TMEM272: variants seen among roughly 807,000 people sequenced by gnomAD.
TMEM272 encodes the protein long intergenic non-protein coding RNA 282.
In TMEM272, 8 loss-of-function variants were observed where a neutral mutation model predicts 3.7. The ratio of observed to expected loss-of-function variants is 2.17; its 90% confidence interval spans 1.27 to 3.91. The LOEUF (loss-of-function observed/expected upper bound fraction) is 3.91. TMEM272 is among the 30% of genes most tolerant of loss of function. The probability of loss-of-function intolerance (pLI) is 0.00; values close to 1 mark genes in which losing one functional copy is unlikely to be tolerated. For missense variants in TMEM272, 166 were observed against 91.5 expected (o/e 1.81, Z -3.32); for synonymous variants, 63 against 39.8 (o/e 1.58, Z -2.20).
the TMEM272 span, among the ~76,000 whole-genome samples, chr13:51,891,921 A>G: frequency 6.6e-6 from 1 of 152,270 alleles, no homozygotes; most frequent in South Asian, 2.1e-4. Context: ...AAAGCTTTGT[A>G]AGGTCAATGA....
chr13:51,887,833 G>C, the TMEM272 span, among the ~76,000 whole-genome samples: 1 of 152,192 alleles, frequency 6.6e-6, no homozygotes, highest in Non-Finnish European at 1.5e-5. Context: ...AGGGGCTGCT[G>C]AGAGTAAAGG....
rs146347607 is a variant in TMEM272, at chr13:51,823,966, T to C, written c.119-1829A>G. Among the ~76,000 whole-genome samples the C allele has an allele frequency of 3.2e-3, 486 of 152,374 alleles. 3 individuals are homozygous for C. Among genetic ancestry groups the C allele is most frequent in the African/African-American group, 0.011 (467 of 41,586 alleles). On this transcript the variant is annotated intron_variant, in intron 3 of 4. Transcript: ENST00000629372. The stretch of plus-strand genomic sequence containing the variant: ...AGGTGAATTTGTTATTAAATGGAAA[T>C]ACTTTCCAAGTCTCAACACAGCCTT...
intron 4 of TMEM272, among the ~76,000 whole-genome samples, chr13:51,819,021 C>T (rs189033882): frequency 1.6e-3 from 244 of 152,284 alleles, no homozygotes; most frequent in Non-Finnish European, 2.7e-3. Flanking sequence ...GGAGGGTTCT[C>T]GCCTAAGACT....
chr13:51,897,400 G>A, the TMEM272 span, among the ~76,000 whole-genome samples: 1 of 88,914 alleles, frequency 1.1e-5, no homozygotes, highest in African/African-American at 3.9e-5. Flanking sequence ...TTTTTGTAGA[G>A]ATGGAGTCTC....
the TMEM272 span, among the ~76,000 whole-genome samples, chr13:51,915,173 C>T: frequency 2.0e-5 from 3 of 152,160 alleles, no homozygotes; most frequent in Admixed American, 2.0e-4. Flanking sequence ...TGCTTTGGGG[C>T]TCTGATTGAC....
chr13:51,821,229 A>G (rs1956075880), intron 4 of TMEM272, among the ~76,000 whole-genome samples: 1 of 152,124 alleles, frequency 6.6e-6, no homozygotes, highest in African/African-American at 2.4e-5. Context: ...CCATCTTGGG[A>G]AAATGGATGC....
chr13:51,841,742 C>T (rs1269349508), intron 1 of TMEM272, among the ~76,000 whole-genome samples: 2 of 152,186 alleles, frequency 1.3e-5, no homozygotes, highest in African/African-American at 4.8e-5. Flanking sequence ...ATAGAACACA[C>T]CAACACAAGT....
intron 1 of TMEM272, among the ~76,000 whole-genome samples, chr13:51,842,096 AAACACATAG>A (rs886184313): frequency 5.3e-5 from 8 of 152,350 alleles, no homozygotes; most frequent in African/African-American, 1.9e-4. Context: ...AGATCTACGT[AAACACATAG>A]AAAAAGATCA....
intron 3 of TMEM272, among the ~76,000 whole-genome samples, chr13:51,822,922 A>G (rs1172607086): frequency 6.6e-6 from 1 of 152,256 alleles, no homozygotes; most frequent in Non-Finnish European, 1.5e-5. Flanking sequence ...CATTTCCCTC[A>G]GGGACCAGTC....
At chr13:51,837,704 G>A (rs1956227847) in intron 2 of TMEM272, among the ~76,000 whole-genome samples, 1 of 152,220 alleles carries the variant, frequency 6.6e-6, no homozygotes. Flanking sequence ...AACGTCATGG[G>A]AGGAGAAGTG....
chr13:51,880,337 G>A, the TMEM272 span, among the ~76,000 whole-genome samples: 1 of 151,600 alleles, frequency 6.6e-6, no homozygotes, highest in Non-Finnish European at 1.5e-5. Flanking sequence ...GAAAGACTGA[G>A]GATCTATTGA....
the TMEM272 span, among the ~76,000 whole-genome samples, chr13:51,931,493 G>A: frequency 6.6e-6 from 1 of 151,646 alleles, no homozygotes; most frequent in East Asian, 1.9e-4. Flanking sequence ...CTGCTGAGGG[G>A]TGGGGGATTA....
At chr13:51,876,258 T>C in the TMEM272 span, among the ~76,000 whole-genome samples, 1,194 of 152,366 alleles carry the variant, frequency 7.8e-3, 12 homozygotes, top group Admixed American at 9.0e-3. Flanking sequence ...TGTTCTCTTT[T>C]AATAGCTCCT....
At chr13:51,840,564 C>CA (rs1005383286) in intron 1 of TMEM272, among the ~76,000 whole-genome samples, 26 of 152,290 alleles carry the variant, frequency 1.7e-4, no homozygotes, top group African/African-American at 5.5e-4. Flanking sequence ...TCTGACCCCC[C>CA]AATCCCTGGG....
intron 4 of TMEM272, among the ~76,000 whole-genome samples, chr13:51,817,457 T>C (rs552965916): frequency 2.0e-5 from 3 of 152,290 alleles, no homozygotes; most frequent in East Asian, 3.9e-4. Flanking sequence ...TCCTGTATTG[T>C]GCTAGCACAT....
chr13:51,893,141 A>G, the TMEM272 span, among the ~76,000 whole-genome samples: 1 of 152,336 alleles, frequency 6.6e-6, no homozygotes, highest in South Asian at 2.1e-4. Context: ...ACTTTGTACC[A>G]GGGCCTTCTC....
At chr13:51,911,185 A>G in the TMEM272 span, among the ~76,000 whole-genome samples, 2 of 152,188 alleles carry the variant, frequency 1.3e-5, no homozygotes, top group Admixed American at 1.3e-4. Flanking sequence ...AAATTGTGAT[A>G]AGTAATTTTA....
chr13:51,908,992 G>T, the TMEM272 span: 5 of 1,442,038 alleles, frequency 3.5e-6, no homozygotes, highest in Non-Finnish European at 4.9e-6. Context: ...AAAGGTGAGA[G>T]TCTCAGTGGA....
chr13:51,862,603 A>G, the TMEM272 span, among the ~76,000 whole-genome samples: 1 of 152,164 alleles, frequency 6.6e-6, no homozygotes, highest in Admixed American at 6.5e-5. Context: ...CCAGACATAG[A>G]GATGGAAGAT....
Sources: gnomAD v4.1 joint callset for allele counts (sites outside exome capture counted in the v4.1 genomes callset) on GRCh38, gnomAD v4.1.1 for gene constraint, MANE v1.5 for transcripts, NCBI Gene and HGNC (gene_info 2026-07-23, HGNC 2026-07-21) for gene names.